The following KCNC1 variants were observed in gnomAD, a reference collection of about 807,000 sequenced individuals.
The protein encoded by KCNC1 is voltage-gated potassium channel KCNC1.
A neutral mutation model predicts 43.4 loss-of-function variants in KCNC1; 8 were observed. That is an observed-to-expected ratio of 0.18 (90% CI 0.11 to 0.33). The LOEUF is 0.33. Among genes scored for constraint, KCNC1 ranks in the 10% least tolerant of loss-of-function variants. The pLI is 1.00. For synonymous variants in KCNC1, 361 were observed against 360.5 expected, an observed-to-expected ratio of 1.00 and a Z score of -0.01; for missense variants, 420 against 836.0, an observed-to-expected ratio of 0.50 and a Z score of 6.14.
chr11:17,764,199 T>C (rs1224012132), intron 1 of KCNC1, among the ~76,000 whole-genome samples: 1 of 133,434 alleles, frequency 7.5e-6, no homozygotes, highest in Non-Finnish European at 1.6e-5. Context: ...CATAGCCCCA[T>C]AGACACACAC....
Position 17,772,043 on chromosome 11 carries a change from C to T in KCNC1, c.949C>T (p.Arg317Cys). Residue 317 changes from arginine (R) to cysteine (C), a missense_variant, in exon 2 of 4, where the codon CGC (arginine) becomes TGC (cysteine). Arg to Cys is a radical substitution (Grantham distance 180, BLOSUM62 -3). This residue lies in a region of KCNC1 where 58 missense variants were observed against 256.9 expected (regional missense o/e 0.23). Coordinates refer to ENST00000265969, the MANE Select transcript of KCNC1 (RefSeq NM_001112741.2). Reference protein sequence around the residue: ...LGFLRVVRFVRILRIFKLTRH... With the variant: ...LGFLRVVRFVCILRIFKLTRH... The stretch of plus-strand genomic sequence containing the variant: ...CTTCCTGCGCGTCGTCCGCTTCGTG[C>T]GCATCTTGCGCATCTTTAAGCTGAC... The T allele has an allele frequency of 6.2e-7, 1 of 1,611,692 alleles. No homozygotes were observed. The highest frequency in any genetic ancestry group is 8.5e-7 in the Non-Finnish European group (1 of 1,179,646).
At position 17,779,475 on chromosome 11, in the gene KCNC1, G is replaced by T. The variant is rs767680364; in HGVS notation, c.1524G>T (p.Glu508Asp). 4 of 1,548,802 alleles carry T rather than the reference G, an allele frequency of 2.6e-6. No individual in the cohort carries two copies. The East Asian group carries it at 9.8e-5, about 38-fold the overall frequency. Residue 508 changes from glutamate to aspartate, a missense_variant, in exon 3 of 4, where the codon GAG becomes GAT. Physicochemically the swap from Glu to Asp is conservative, Grantham distance 45. Coordinates refer to ENST00000265969, the MANE Select transcript of KCNC1 (RefSeq NM_001112741.2). The surrounding 1 kb of genome is among the most constrained non-coding windows in gnomAD (Gnocchi z 7.2). ...INRADSKLNG[E>D]VAKAALANED... ...TTGAAGATTCCAAACTGAATGGGGA[G>T]GTGGCGAAGGCCGCGCTGGCGAACG...
At position 17,782,157 on chromosome 11, in the gene KCNC1, G is replaced by C. The variant is rs961236557; in HGVS notation, c.*423G>C. On this transcript the variant is annotated 3_prime_UTR_variant, in exon 4 of 4. Transcript: ENST00000265969. Reference sequence around the variant, plus strand: ...CACGTTGTTGGAGCCAAACTGTAACGGCGTTCAGTAGAAACCTGTACATTT... The same window carrying C: ...CACGTTGTTGGAGCCAAACTGTAACCGCGTTCAGTAGAAACCTGTACATTT... The C allele has an allele frequency of 6.2e-6, 1 of 162,268 alleles. No homozygotes were observed. The highest frequency in any genetic ancestry group is 6.4e-5 in the Admixed American group (1 of 15,600). 10.1% of individuals were successfully genotyped at this position (162,268 alleles called of 1,614,324 possible).
intron 1 of KCNC1, among the ~76,000 whole-genome samples, chr11:17,759,430 A>G (rs543670902): frequency 6.6e-6 from 1 of 152,302 alleles, no homozygotes; most frequent in African/African-American, 2.4e-5. Context: ...ATTTCCTTTT[A>G]GAACTTTTCC....
At chr11:17,756,818 T>C (rs745555579) in intron 1 of KCNC1, among the ~76,000 whole-genome samples, 15 of 152,198 alleles carry the variant, frequency 9.9e-5, no homozygotes, top group Non-Finnish European at 2.2e-4. Context: ...GCTGTGCCTA[T>C]TGTCATCATA....
At chr11:17,740,828 G>A (rs1432357909) in intron 1 of KCNC1, among the ~76,000 whole-genome samples, 1 of 152,132 alleles carries the variant, frequency 6.6e-6, no homozygotes, top group East Asian at 1.9e-4. Context: ...TTTGGAACTC[G>A]ATAAAAACTG....
chr11:17,778,608 A>G (rs1849311565), intron 2 of KCNC1, among the ~76,000 whole-genome samples: 1 of 152,210 alleles, frequency 6.6e-6, no homozygotes, highest in South Asian at 2.1e-4. Flanking sequence ...AGACTGAGTG[A>G]TCAGCTTGGG....
intron 1 of KCNC1, among the ~76,000 whole-genome samples, chr11:17,755,203 G>C (rs10766431): frequency 0.38 from 58,466 of 152,006 alleles, 13,761 homozygotes; most frequent in East Asian, 0.7. Flanking sequence ...TGAGGAACAT[G>C]TTTGAGGAGG....
rs1165405083 is a variant in KCNC1, at chr11:17,776,551, T to C, written c.1505-2905T>C. ...TAAAAAAAAATGACCCTCTCGCAGA[T>C]GCTCATCTCAGCCCATTTCAAGCCT... On this transcript the variant is annotated intron_variant, in intron 2 of 3. Transcript: ENST00000265969. The surrounding 1 kb of genome is among the most constrained non-coding windows in gnomAD (Gnocchi z 4.4). The C allele has an allele frequency of 1.0e-6, 1 of 985,330 alleles. No individual in the cohort carries two copies. The highest frequency in any genetic ancestry group is 1.7e-5 in the African/African-American group (1 of 57,248). The allele number at this position is 985,330 out of a possible 1,614,324, so 61.0% of individuals were successfully genotyped here. A position where few individuals can be genotyped will look rare whatever the true frequency, so the allele number is the denominator to read the frequency against.
chr11:17,763,769 C>G (rs1849109792), intron 1 of KCNC1, among the ~76,000 whole-genome samples: 1 of 147,696 alleles, frequency 6.8e-6, no homozygotes, highest in Non-Finnish European at 1.5e-5. Context: ...CACACAAACC[C>G]CCACACCACC....
At chr11:17,760,684 A>G (rs1849067587) in intron 1 of KCNC1, among the ~76,000 whole-genome samples, 1 of 152,180 alleles carries the variant, frequency 6.6e-6, no homozygotes, top group Non-Finnish European at 1.5e-5. Context: ...GCCACCTCGC[A>G]TGGTGGGACC....
intron 1 of KCNC1, among the ~76,000 whole-genome samples, chr11:17,748,387 G>C (rs544542626): frequency 7.0e-4 from 106 of 152,180 alleles, no homozygotes; most frequent in African/African-American, 2.4e-3. Flanking sequence ...ATATCAGAAG[G>C]GGTGGTGCTC....
chr11:17,763,384 T>C (rs1196592828), intron 1 of KCNC1, among the ~76,000 whole-genome samples: 1 of 151,886 alleles, frequency 6.6e-6, no homozygotes, highest in Non-Finnish European at 1.5e-5. Flanking sequence ...GTCAGGGCCC[T>C]GGGTTGAGTC....
At chr11:17,753,633 C>T (rs1400707724) in intron 1 of KCNC1, among the ~76,000 whole-genome samples, 5 of 151,726 alleles carry the variant, frequency 3.3e-5, no homozygotes, top group African/African-American at 9.7e-5. Flanking sequence ...CATTGCGCCT[C>T]TTCAAAAAGA....
chr11:17,748,080 A>T (rs1345710687), intron 1 of KCNC1, among the ~76,000 whole-genome samples: 2 of 152,326 alleles, frequency 1.3e-5, no homozygotes, highest in South Asian at 4.1e-4. Flanking sequence ...GCAAAGAACA[A>T]AACCACCAAA....
intron 2 of KCNC1, chr11:17,775,424 G>T (rs1258744819): frequency 1.0e-6 from 1 of 985,430 alleles, no homozygotes; most frequent in Non-Finnish European, 1.2e-6. Flanking sequence ...TGGCTGGCAT[G>T]GCCTCAGTGT....
intron 1 of KCNC1, among the ~76,000 whole-genome samples, chr11:17,768,617 G>C (rs898064437): frequency 5.3e-5 from 8 of 151,884 alleles, no homozygotes; most frequent in South Asian, 2.1e-4. Flanking sequence ...GTTGGTGGGG[G>C]GGGGGGCGGT....
chr11:17,746,719 A>C (rs1002181313), intron 1 of KCNC1, among the ~76,000 whole-genome samples: 8 of 152,178 alleles, frequency 5.3e-5, no homozygotes, highest in Admixed American at 5.2e-4. Flanking sequence ...TGGGCTTTGC[A>C]TCTCCCCACT....
Position 17,771,234 on chromosome 11 carries a change from A to C in KCNC1, c.571-431A>C, listed in dbSNP as rs1849222906. Among the ~76,000 whole-genome samples, 1 of 133,298 alleles carries C rather than the reference A, an allele frequency of 7.5e-6. No individual in the cohort carries two copies. The highest frequency in any genetic ancestry group is 8.2e-5 in the Admixed American group (1 of 12,178). 87.4% of individuals were successfully genotyped at this position (133,298 alleles called of 152,430 possible). On this transcript the variant is annotated intron_variant, in intron 1 of 3. Transcript: ENST00000265969. The surrounding 1 kb of genome is among the most constrained non-coding windows in gnomAD (Gnocchi z 4.7). ...CCCCTCTTATTTCTTTGCAAACTTC[A>C]GCCCCAGCAGGCTAGCTAAATGGGC...
Sources: allele counts gnomAD v4.1 joint callset (sites outside exome capture counted in the v4.1 genomes callset), GRCh38; gene constraint gnomAD v4.1.1; regional missense constraint gnomAD v4.1.1; non-coding constraint Gnocchi (gnomAD v3.1); transcripts MANE v1.5; gene names NCBI Gene and HGNC (gene_info 2026-07-23, HGNC 2026-07-21).